Variants in KHDRBS2 observed in about 807,000 individuals in gnomAD.
KHDRBS2 encodes KH RNA binding domain containing, signal transduction associated 2, also known as KH domain-containing, RNA-binding, signal transduction-associated protein 2.
Under a neutral mutation model 44.3 loss-of-function variants are expected in KHDRBS2, and 26 were observed. That is an observed-to-expected ratio of 0.59 (90% CI 0.43 to 0.81). KHDRBS2 has a LOEUF of 0.81. Ranked by LOEUF, KHDRBS2 falls within the 40% of genes least tolerant of loss-of-function variation. KHDRBS2 has a pLI of 0.00. For synonymous variants in KHDRBS2, 194 were observed against 151.1 expected (o/e 1.28, Z -2.08); for missense variants, 476 against 433.1 (o/e 1.10, Z -0.88).
chr6:61,556,596 G>A, the KHDRBS2 span, among the ~76,000 whole-genome samples: 1,084 of 152,182 alleles, frequency 7.1e-3, 19 homozygotes, highest in African/African-American at 0.023. Flanking sequence ...AAAATATGGA[G>A]TTTAGCCAAA....
the KHDRBS2 span, among the ~76,000 whole-genome samples, chr6:61,581,596 AATATACAATATAAT>A: frequency 1.4e-5 from 2 of 146,788 alleles, no homozygotes; most frequent in Admixed American, 6.9e-5. Context: ...TACAATATAC[AATATACAATATAAT>A]ATATAATATA....
the KHDRBS2 span, among the ~76,000 whole-genome samples, chr6:61,574,740 C>G: frequency 0.024 from 3,716 of 152,078 alleles, 71 homozygotes; most frequent in Middle Eastern, 0.085. Flanking sequence ...GTTGGCCCAT[C>G]TCTACTAAAA....
intron 2 of KHDRBS2, among the ~76,000 whole-genome samples, chr6:62,055,036 C>A (rs1789950132): frequency 1.3e-5 from 2 of 151,860 alleles, no homozygotes; most frequent in African/African-American, 4.8e-5. Flanking sequence ...AAATATAAAA[C>A]TTTAGAACTT....
At chr6:61,907,025 A>G (rs1426908325) in intron 4 of KHDRBS2, among the ~76,000 whole-genome samples, 1 of 152,110 alleles carries the variant, frequency 6.6e-6, no homozygotes, top group African/African-American at 2.4e-5. Context: ...CATTCCCACC[A>G]AACAGTGTAT....
intron 8 of KHDRBS2, among the ~76,000 whole-genome samples, chr6:61,689,515 C>T (rs1464466715): frequency 6.6e-6 from 1 of 151,882 alleles, no homozygotes; most frequent in African/African-American, 2.4e-5. Context: ...TGGGCATCCC[C>T]TTTGTCTCTT....
At chr6:62,226,562 G>A (rs1225235534) in intron 1 of KHDRBS2, among the ~76,000 whole-genome samples, 1 of 152,110 alleles carries the variant, frequency 6.6e-6, no homozygotes, top group Non-Finnish European at 1.5e-5. Context: ...GTCAATTTTG[G>A]CTTTTGTTAC....
At chr6:62,278,613 A>C (rs1841343006) in intron 1 of KHDRBS2, among the ~76,000 whole-genome samples, 1 of 152,190 alleles carries the variant, frequency 6.6e-6, no homozygotes, top group South Asian at 2.1e-4. Context: ...AAAACACATA[A>C]ATGAATGCGG....
chr6:61,937,015 A>G (rs1241820722), intron 4 of KHDRBS2, among the ~76,000 whole-genome samples: 2 of 152,056 alleles, frequency 1.3e-5, no homozygotes, highest in African/African-American at 4.8e-5. Flanking sequence ...TTTTCAAACA[A>G]TAAATTGGCC....
At chr6:61,985,584 C>T (rs1450728193) in intron 3 of KHDRBS2, among the ~76,000 whole-genome samples, 1 of 152,132 alleles carries the variant, frequency 6.6e-6, no homozygotes, top group Non-Finnish European at 1.5e-5. Flanking sequence ...ACTTCAGGGA[C>T]CACCTTGGAT....
At chr6:61,931,419 T>C (rs1468034652) in intron 4 of KHDRBS2, among the ~76,000 whole-genome samples, 1 of 151,944 alleles carries the variant, frequency 6.6e-6, no homozygotes, top group Admixed American at 6.6e-5. Context: ...CTATATAAAA[T>C]ATTAAAGATG....
intron 1 of KHDRBS2, among the ~76,000 whole-genome samples, chr6:62,188,670 C>A (rs1823958054): frequency 6.6e-6 from 1 of 152,048 alleles, no homozygotes; most frequent in Admixed American, 6.6e-5. Context: ...ACATCTCAGG[C>A]TGGAAAGAAT....
chr6:61,847,489 G>A (rs1301801899), intron 6 of KHDRBS2, among the ~76,000 whole-genome samples: 1 of 152,042 alleles, frequency 6.6e-6, no homozygotes, highest in Non-Finnish European at 1.5e-5. Flanking sequence ...CTACCACACA[G>A]TCAACTCAAT....
At chr6:61,703,833 G>T (rs1582258395) in intron 7 of KHDRBS2, among the ~76,000 whole-genome samples, 1 of 151,792 alleles carries the variant, frequency 6.6e-6, no homozygotes. Context: ...TCACCAAATA[G>T]CTCAAGACTC....
chr6:61,977,904 T>C (rs1224812864), intron 4 of KHDRBS2, among the ~76,000 whole-genome samples, 162 bp downstream of exon 4: 2 of 152,172 alleles, frequency 1.3e-5, no homozygotes, highest in African/African-American at 4.8e-5. Flanking sequence ...CTGTGTTAAG[T>C]GGTTTTGGTA....
chr6:61,776,064 G>A (rs958246098), intron 6 of KHDRBS2, among the ~76,000 whole-genome samples: 2 of 152,032 alleles, frequency 1.3e-5, no homozygotes, highest in African/African-American at 4.8e-5. Context: ...TTAATAAATG[G>A]TGCTGGGAAA....
chr6:61,740,081 G>T (rs1315578396), intron 6 of KHDRBS2, among the ~76,000 whole-genome samples: 1 of 151,884 alleles, frequency 6.6e-6, no homozygotes, highest in Non-Finnish European at 1.5e-5. Context: ...AGATACCAAA[G>T]AAAGCACTCC....
intron 6 of KHDRBS2, among the ~76,000 whole-genome samples, chr6:61,805,751 A>G (rs895880920): frequency 6.6e-6 from 1 of 152,178 alleles, no homozygotes; most frequent in Non-Finnish European, 1.5e-5. Flanking sequence ...GAACTCACAC[A>G]CTATCATGAG....
chr6:62,097,007 G>A (rs1435506607), intron 2 of KHDRBS2, among the ~76,000 whole-genome samples: 2 of 151,490 alleles, frequency 1.3e-5, no homozygotes, highest in Admixed American at 6.6e-5. Flanking sequence ...TTGGTCAGAA[G>A]CATGTTTTTA....
chr6:61,639,458 T>C, the KHDRBS2 span, among the ~76,000 whole-genome samples: 1 of 152,074 alleles, frequency 6.6e-6, no homozygotes, highest in African/African-American at 2.4e-5. Context: ...GCTTTCTCTT[T>C]TTACCCTTCT....
Sources: gnomAD v4.1 joint callset for allele counts (sites outside exome capture counted in the v4.1 genomes callset) on GRCh38, gnomAD v4.1.1 for gene constraint, MANE v1.5 for transcripts, NCBI Gene and HGNC (gene_info 2026-07-23, HGNC 2026-07-21) for gene names.